PKHD1: variants seen among roughly 807,000 people sequenced by gnomAD.
The protein encoded by PKHD1 is fibrocystin.
PKHD1 carries 291 observed loss-of-function variants against 412.0 expected under a neutral mutation model. That is an observed-to-expected ratio of 0.71 (90% CI 0.64 to 0.78). PKHD1 has a LOEUF of 0.78. PKHD1 is among the 30% of genes least tolerant of loss of function. The pLI is 0.00. For missense variants in PKHD1, 4,825 were observed against 4,950.7 expected, an observed-to-expected ratio of 0.97 and a Z score of 0.76; for synonymous variants, 1,777 against 1,821.5, an observed-to-expected ratio of 0.98 and a Z score of 0.62.
intron 48 of PKHD1, among the ~76,000 whole-genome samples, chr6:51,866,286 C>A (rs1775055303): frequency 6.6e-6 from 1 of 152,128 alleles, no homozygotes; most frequent in Admixed American, 6.5e-5. Flanking sequence ...GCCTAGATGA[C>A]TGAGGAAGTT....
At chr6:51,849,302 T>C (rs1158088701) in intron 49 of PKHD1, among the ~76,000 whole-genome samples, 2 of 152,200 alleles carry the variant, frequency 1.3e-5, no homozygotes, top group Non-Finnish European at 1.5e-5. Flanking sequence ...CAGTCTATCA[T>C]TGATGGGCAT....
At chr6:52,077,572 C>T (rs1811501687) in intron 5 of PKHD1, among the ~76,000 whole-genome samples, 1 of 152,182 alleles carries the variant, frequency 6.6e-6, no homozygotes, top group South Asian at 2.1e-4. Context: ...AAGAATAACT[C>T]GGTTGTTAAT....
intron 34 of PKHD1, among the ~76,000 whole-genome samples, chr6:52,013,787 A>G (rs1800101447): frequency 6.6e-6 from 1 of 152,184 alleles, no homozygotes; most frequent in Non-Finnish European, 1.5e-5. Context: ...TCTTTAGTTG[A>G]TCTGATTAGA....
chr6:51,866,302 A>G (rs138513940), intron 48 of PKHD1, among the ~76,000 whole-genome samples: 1 of 152,290 alleles, frequency 6.6e-6, no homozygotes, highest in Non-Finnish European at 1.5e-5. Flanking sequence ...AAGTTTCCAG[A>G]ACATGGAATT....
rs1787956453 is a variant in PKHD1 at position 51,761,231 on chromosome 6, A to C, written c.8643-6293T>G. On this transcript the variant is annotated intron_variant, in intron 55 of 66. Coordinates refer to ENST00000371117, the MANE Select transcript of PKHD1 (RefSeq NM_138694.4). Reference sequence around the variant, plus strand: ...AATGCAGTATACACATACACTCTGGAATACTATTCAGCCTTTAAAAAGAAG... The same window carrying C: ...AATGCAGTATACACATACACTCTGGCATACTATTCAGCCTTTAAAAAGAAG... Among the ~76,000 whole-genome samples, 5 of 152,252 alleles carry C rather than the reference A, an allele frequency of 3.3e-5. No homozygotes were observed. The South Asian group carries it at 1.0e-3, about 32-fold the overall frequency.
At chr6:51,902,982 TA>T (rs2127619127) in intron 43 of PKHD1, among the ~76,000 whole-genome samples, 1 of 152,232 alleles carries the variant, frequency 6.6e-6, no homozygotes, top group South Asian at 2.1e-4. Flanking sequence ...CACATTAACA[TA>T]GTAAGATAGT....
Position 51,690,173 on chromosome 6 carries a change from G to A in PKHD1, c.10157-30204C>T, listed in dbSNP as rs528957589. Among the ~76,000 whole-genome samples the A allele has an allele frequency of 5.3e-5, 8 of 150,968 alleles. No homozygotes were observed. In the South Asian group the frequency reaches 1.3e-3, roughly 24 times the overall value. ...TGTAGACCCAGCTACTCCGGAGGCT[G>A]AGGCAGAAGAATCGCTTGAACTCGG... is the stretch of plus-strand genomic sequence containing the variant. On this transcript the variant is annotated intron_variant, in intron 60 of 66. Transcript: ENST00000371117.
intron 35 of PKHD1, among the ~76,000 whole-genome samples, chr6:52,005,744 G>T (rs1205384506): frequency 6.6e-6 from 1 of 151,978 alleles, no homozygotes. Flanking sequence ...CAAAGTTTAG[G>T]TAACAGTCCA....
chr6:51,833,771 A>C (rs755465360), intron 51 of PKHD1, among the ~76,000 whole-genome samples: 8 of 152,120 alleles, frequency 5.3e-5, no homozygotes, highest in Non-Finnish European at 1.0e-4. Context: ...AATGCACTGG[A>C]GGTAAGGAAG....
At chr6:51,980,231 TGTTA>T (rs1392491824) in intron 35 of PKHD1, among the ~76,000 whole-genome samples, 2 of 152,252 alleles carry the variant, frequency 1.3e-5, no homozygotes, top group African/African-American at 4.8e-5. Context: ...CTTTGCACTC[TGTTA>T]AAACTATTTC....
At chr6:51,807,193 C>T (rs1763904689) in intron 52 of PKHD1, among the ~76,000 whole-genome samples, 2 of 108,026 alleles carry the variant, frequency 1.9e-5, no homozygotes, top group Middle Eastern at 4.1e-3. Context: ...TTTGGGAGGC[C>T]GAGGCAGGTT....
intron 60 of PKHD1, among the ~76,000 whole-genome samples, chr6:51,737,089 T>A (rs1783953313): frequency 6.6e-6 from 1 of 152,164 alleles, no homozygotes; most frequent in African/African-American, 2.4e-5. Context: ...CCACAGTGGT[T>A]TATAACTTTC....
intron 60 of PKHD1, among the ~76,000 whole-genome samples, chr6:51,712,030 T>C (rs369318154): frequency 2.0e-5 from 3 of 152,328 alleles, no homozygotes; most frequent in East Asian, 3.9e-4. Flanking sequence ...TCAGCCTAGA[T>C]CACAGTAAAA....
At chr6:51,658,901 T>C (rs757990955) in intron 61 of PKHD1, 51 bp downstream of exon 61, 1 of 1,146,266 alleles carries the variant, frequency 8.7e-7, no homozygotes, top group Non-Finnish European at 1.3e-6. Flanking sequence ...TATGTCAATA[T>C]GGACCTAAAA....
chr6:52,082,022 C>T (rs1020799992), intron 4 of PKHD1, among the ~76,000 whole-genome samples: 14 of 152,068 alleles, frequency 9.2e-5, no homozygotes, highest in Admixed American at 6.5e-5. Flanking sequence ...CTTTTCTAAC[C>T]AGTTTGGGGT....
intron 60 of PKHD1, among the ~76,000 whole-genome samples, chr6:51,722,408 T>C (rs558247315): frequency 6.5e-4 from 99 of 152,314 alleles, no homozygotes; most frequent in Non-Finnish European, 1.3e-3. Context: ...AGAAAAAGCA[T>C]GGGCCCTGAA....
At chr6:51,848,362 A>T (rs528373222) in intron 49 of PKHD1, among the ~76,000 whole-genome samples, 1 of 152,336 alleles carries the variant, frequency 6.6e-6, no homozygotes, top group South Asian at 2.1e-4. Context: ...AGCGACAGGC[A>T]ATGATAGGCA....
chr6:51,771,556 T>C (rs866861399), intron 55 of PKHD1, among the ~76,000 whole-genome samples: 80 of 151,190 alleles, frequency 5.3e-4, no homozygotes, highest in African/African-American at 1.9e-3. Flanking sequence ...GAGGTGGAGA[T>C]CGCAATGAGC....
intron 65 of PKHD1, among the ~76,000 whole-genome samples, chr6:51,627,988 C>T (rs2784206): frequency 0.043 from 6,507 of 152,146 alleles, 233 homozygotes; most frequent in African/African-American, 0.093. Context: ...AGAGGACAAA[C>T]AAATAAATTT....
Sources: allele counts gnomAD v4.1 joint callset (sites outside exome capture counted in the v4.1 genomes callset), GRCh38; gene constraint gnomAD v4.1.1; transcripts MANE v1.5; gene names NCBI Gene and HGNC (gene_info 2026-07-23, HGNC 2026-07-21).